Variants in AGBL1 observed in about 807,000 individuals in gnomAD.
AGBL1 encodes the protein cytosolic carboxypeptidase 4.
A neutral mutation model predicts 118.9 loss-of-function variants in AGBL1; 130 were observed. The observed-to-expected ratio is 1.09, with a 90% CI of 0.95 to 1.26. The LOEUF (loss-of-function observed/expected upper bound fraction) is 1.26, where lower values mean the gene tolerates loss of function less well. AGBL1 is among the 50% of genes most tolerant of loss of function. The pLI is 0.00. For missense variants in AGBL1, 1,584 were observed against 1,298.1 expected (o/e 1.22, Z -3.38); for synonymous variants, 555 against 478.9 (o/e 1.16, Z -2.08).
intron 22 of AGBL1, among the ~76,000 whole-genome samples, chr15:86,815,299 T>C (rs1450300803): frequency 6.6e-6 from 1 of 152,068 alleles, no homozygotes; most frequent in Non-Finnish European, 1.5e-5. Flanking sequence ...TTAATGTAAA[T>C]AGGTTGCCAG....
chr15:86,314,759 A>G (rs1338213000), intron 17 of AGBL1, among the ~76,000 whole-genome samples: 1 of 152,140 alleles, frequency 6.6e-6, no homozygotes, highest in African/African-American at 2.4e-5. Context: ...TCACTCAGAA[A>G]CCAGCCGTGT....
At chr15:86,970,770 T>C (rs1158269279) in intron 23 of AGBL1, among the ~76,000 whole-genome samples, 4 of 151,974 alleles carry the variant, frequency 2.6e-5, no homozygotes, top group African/African-American at 4.8e-5. Flanking sequence ...GCTGAAACTT[T>C]CCCCTAGATA....
At chr15:86,137,869 T>C (rs1335368172) in intron 1 of AGBL1, among the ~76,000 whole-genome samples, 2 of 152,176 alleles carry the variant, frequency 1.3e-5, no homozygotes, top group Non-Finnish European at 2.9e-5. Context: ...CAGCATATGA[T>C]GTTGGCCACA....
chr15:86,872,872 A>G (rs1352340548), intron 22 of AGBL1, among the ~76,000 whole-genome samples: 1 of 152,240 alleles, frequency 6.6e-6, no homozygotes, highest in African/African-American at 2.4e-5. Flanking sequence ...TAGCAGACTT[A>G]GTTATATATA....
chr15:86,717,955 G>A (rs2086662431), intron 22 of AGBL1, among the ~76,000 whole-genome samples: 1 of 152,128 alleles, frequency 6.6e-6, no homozygotes, highest in Admixed American at 6.6e-5. Flanking sequence ...GCATGCACCT[G>A]TAATCTCAGC....
At chr15:86,688,161 G>T (rs1411118782) in intron 22 of AGBL1, among the ~76,000 whole-genome samples, 3 of 152,136 alleles carry the variant, frequency 2.0e-5, no homozygotes, top group African/African-American at 7.2e-5. Flanking sequence ...AAGGCACATT[G>T]CTTGGTGCTG....
At chr15:86,690,169 G>A (rs748679979) in intron 22 of AGBL1, among the ~76,000 whole-genome samples, 44 of 152,232 alleles carry the variant, frequency 2.9e-4, no homozygotes, top group Non-Finnish European at 5.3e-4. Flanking sequence ...AATAGGTAGT[G>A]TTCTTTTGTT....
At chr15:86,537,513 A>G (rs553171304) in intron 19 of AGBL1, among the ~76,000 whole-genome samples, 61 of 152,334 alleles carry the variant, frequency 4.0e-4, no homozygotes, top group African/African-American at 1.4e-3. Context: ...CTCACTGCAT[A>G]AGTGCCTTCT....
At chr15:86,462,580 C>T (rs2082347696) in intron 18 of AGBL1, among the ~76,000 whole-genome samples, 2 of 152,118 alleles carry the variant, frequency 1.3e-5, no homozygotes, top group Admixed American at 1.3e-4. Flanking sequence ...TACTATCCCT[C>T]CCCTTGCCCC....
intron 21 of AGBL1, among the ~76,000 whole-genome samples, chr15:86,668,040 G>C (rs1446001437): frequency 6.6e-6 from 1 of 152,188 alleles, no homozygotes; most frequent in Non-Finnish European, 1.5e-5. Flanking sequence ...CAGCAAGAGA[G>C]AGAGGAGCAG....
chr15:86,365,056 T>C (rs1188359049), intron 17 of AGBL1, among the ~76,000 whole-genome samples: 1 of 146,576 alleles, frequency 6.8e-6, no homozygotes, highest in African/African-American at 2.6e-5. Flanking sequence ...CACATATATA[T>C]ACACATATAT....
At chr15:86,332,429 G>A (rs918012084) in intron 17 of AGBL1, among the ~76,000 whole-genome samples, 154 of 151,940 alleles carry the variant, frequency 1.0e-3, no homozygotes, top group African/African-American at 3.5e-3. Context: ...GGCGGATCAC[G>A]AGGTCAGGAG....
At position 86,262,779 on chromosome 15, in the gene AGBL1, A is replaced by G. The variant is rs1325527201; in HGVS notation, c.971A>G (p.Asp324Gly). 4.4e-6 allele frequency: 7 copies of G among 1,594,716 alleles called. No individual in the cohort carries two copies. Among genetic ancestry groups the G allele is most frequent in the African/African-American group, 1.3e-5 (1 of 74,340 alleles). The change falls in exon 10 of 23, where the codon GAT becomes GGT. Residue 324 changes from aspartate to glycine, a missense_variant and splice_region_variant. By Grantham distance (94) the Asp-to-Gly change is moderately conservative. Coordinates refer to ENST00000614907, the MANE Select transcript of AGBL1 (RefSeq NM_001386094.1). ...TCTTCTATGACTATTCCATTTTAGG[A>G]TGATGACTTGGAAACAGACGTGAAC... ...DSDTEDGKVEDDDLETDVNKL... is the reference protein window; with the variant it reads ...DSDTEDGKVEGDDLETDVNKL...
At chr15:86,329,805 AC>A (rs1168754243) in intron 17 of AGBL1, among the ~76,000 whole-genome samples, 1 of 152,012 alleles carries the variant, frequency 6.6e-6, no homozygotes. Context: ...CATTCAGAGC[AC>A]CTGTTTGCCT....
chr15:86,685,510 A>G (rs142227747), intron 22 of AGBL1, among the ~76,000 whole-genome samples: 4 of 152,308 alleles, frequency 2.6e-5, no homozygotes, highest in Non-Finnish European at 5.9e-5. Context: ...AGAAAAGCTG[A>G]CTAGCTCCCT....
At chr15:86,815,773 C>G (rs921578331) in intron 22 of AGBL1, among the ~76,000 whole-genome samples, 6 of 152,154 alleles carry the variant, frequency 3.9e-5, no homozygotes, top group Admixed American at 2.0e-4. Flanking sequence ...CCGTCCTCTC[C>G]TCTTCTACCT....
chr15:86,685,300 C>T (rs754261258), intron 22 of AGBL1, among the ~76,000 whole-genome samples: 1 of 152,198 alleles, frequency 6.6e-6, no homozygotes, highest in Admixed American at 6.5e-5. Flanking sequence ...TTCTAGTAAG[C>T]CAGAAAAATA....
chr15:86,595,237 C>T (rs1346691087), intron 21 of AGBL1, among the ~76,000 whole-genome samples: 4 of 152,112 alleles, frequency 2.6e-5, no homozygotes, highest in Non-Finnish European at 5.9e-5. Context: ...TTGTTAATTC[C>T]AAATTTATAT....
intron 18 of AGBL1, among the ~76,000 whole-genome samples, chr15:86,478,901 C>G (rs919262413): frequency 3.7e-4 from 57 of 152,106 alleles, no homozygotes; most frequent in African/African-American, 1.4e-3. Context: ...ACCAATGGAA[C>G]ACAACAGAGC....
Sources: allele counts gnomAD v4.1 joint callset (sites outside exome capture counted in the v4.1 genomes callset), GRCh38; gene constraint gnomAD v4.1.1; transcripts MANE v1.5; gene names NCBI Gene and HGNC (gene_info 2026-07-23, HGNC 2026-07-21).